The following PGAP4 variants were observed in gnomAD, a reference collection of about 807,000 sequenced individuals.
PGAP4 encodes the protein GPI-N-acetylgalactosamine transferase PGAP4.
A neutral mutation model predicts 28.2 loss-of-function variants in PGAP4; 12 were observed. The observed-to-expected ratio is 0.42, with a 90% confidence interval of 0.27 to 0.69. The LOEUF is 0.69. PGAP4 is among the 30% of genes least tolerant of loss of function. The pLI is 0.22. For missense variants in PGAP4, 425 were observed against 513.5 expected, an observed-to-expected ratio of 0.83 and a Z score of 1.67; for synonymous variants, 205 against 211.8, an observed-to-expected ratio of 0.97 and a Z score of 0.28.
Position 101,475,934 on chromosome 9 carries a change from G to A in PGAP4, c.1159C>T (p.His387Tyr). 6.2e-7 allele frequency: 1 copy of A among 1,614,220 alleles called. No homozygotes were observed. Among genetic ancestry groups the A allele is most frequent in the Non-Finnish European group, 8.5e-7 (1 of 1,180,046 alleles). ...CGGAGACTGGAGAAGAGCCCGATGT[G>A]TTTCACGAGGTTCGGCTCCACTACA... ...AYVVEPNLVK[H>Y]IGLFSSLRYN... is the part of the protein sequence containing the mutation. The change falls in exon 2 of 2, where the codon CAC (histidine) becomes TAC (tyrosine). Residue 387 changes from histidine (H) to tyrosine (Y), a missense_variant. Coordinates refer to ENST00000374848, the MANE Select transcript of PGAP4 (RefSeq NM_032342.3).
chr9:101,507,418 C>T (rs1250067186), intron 2 of PGAP4, among the ~76,000 whole-genome samples: 2 of 151,964 alleles, frequency 1.3e-5, no homozygotes, highest in African/African-American at 4.8e-5. Context: ...CAAGATTTGC[C>T]CAGACCTGTA....
intron 2 of PGAP4, among the ~76,000 whole-genome samples, chr9:101,527,564 T>C (rs575677225): frequency 6.6e-6 from 1 of 152,330 alleles, no homozygotes; most frequent in Non-Finnish European, 1.5e-5. Context: ...CACAATTAAG[T>C]AATAAATGTT....
At chr9:101,492,776 C>G (rs1325337714) in intron 2 of PGAP4, among the ~76,000 whole-genome samples, 1 of 152,018 alleles carries the variant, frequency 6.6e-6, no homozygotes, top group Non-Finnish European at 1.5e-5. Flanking sequence ...AGTCATTAGT[C>G]AAGCATTTGG....
chr9:101,501,385 G>A (rs909895093), intron 2 of PGAP4, among the ~76,000 whole-genome samples: 4 of 152,070 alleles, frequency 2.6e-5, no homozygotes, highest in Non-Finnish European at 4.4e-5. Flanking sequence ...GAATTCCATT[G>A]ACAAGCAGGA....
At chr9:101,493,724 G>C (rs1309496740) in intron 2 of PGAP4, among the ~76,000 whole-genome samples, 1 of 152,096 alleles carries the variant, frequency 6.6e-6, no homozygotes, top group Non-Finnish European at 1.5e-5. Flanking sequence ...TTTGTACTTT[G>C]AATGTCTCTG....
chr9:101,501,901 C>G, intron 2 of PGAP4: 1 of 401,818 alleles, frequency 2.5e-6, no homozygotes, highest in Non-Finnish European at 4.9e-6. Flanking sequence ...CGGCAGAGGC[C>G]TCCGATTGGA....
intron 2 of PGAP4, among the ~76,000 whole-genome samples, chr9:101,502,374 G>A (rs1319939292): frequency 6.6e-6 from 1 of 152,026 alleles, no homozygotes; most frequent in Non-Finnish European, 1.5e-5. Context: ...AACTTTAAAT[G>A]GATGAGTTCT....
Position 101,498,950 on chromosome 9 carries a change from C to T in PGAP4, c.-164-9750G>A, listed in dbSNP as rs539952240. On this transcript the variant is annotated intron_variant, in intron 2 of 3. Coordinates refer to the PGAP4 transcript ENST00000374851. ...AGTAGTCAAACGTAATCAAAAGAAA[C>T]CAAGGTAAGAGTGTTCACAAAATTT... is the stretch of plus-strand genomic sequence containing the variant. 2.0e-5 allele frequency among the ~76,000 whole-genome samples: 3 copies of T among 151,832 alleles called. No homozygotes were observed. The East Asian group carries it at 5.8e-4, about 30-fold the overall frequency.
At chr9:101,490,200 T>C (rs532351876), upstream of PGAP4, among the ~76,000 whole-genome samples, 7 of 152,272 alleles carry the variant, frequency 4.6e-5, no homozygotes, top group East Asian at 1.4e-3. Flanking sequence ...TTTTTTACTT[T>C]ATTTTTTGAG....
At chr9:101,509,172 C>T (rs1166260611) in intron 2 of PGAP4, among the ~76,000 whole-genome samples, 1 of 152,142 alleles carries the variant, frequency 6.6e-6, no homozygotes, top group Non-Finnish European at 1.5e-5. Context: ...GGAAGTAATG[C>T]TCAGACTCTT....
intron 2 of PGAP4, among the ~76,000 whole-genome samples, chr9:101,496,351 C>T (rs1023178004): frequency 1.3e-5 from 2 of 151,084 alleles, no homozygotes; most frequent in Admixed American, 6.6e-5. Flanking sequence ...TCATGTGCAG[C>T]GAAGTCCAGC....
rs1043834620 is a variant in PGAP4, at chr9:101,498,860, T to C, written c.-164-9660A>G. Among the ~76,000 whole-genome samples the C allele has an allele frequency of 3.9e-5, 6 of 152,016 alleles. No homozygotes were observed. In the South Asian group the frequency reaches 1.0e-3, roughly 26 times the overall value. On this transcript the variant is annotated intron_variant, in intron 2 of 3. Coordinates refer to the PGAP4 transcript ENST00000374851. ...CTCTAGTGGCTTTTAATTAGCTATCTTGTGTCTACTGTTTAGAATGTTTAT... is the reference window on the plus strand; with the variant it reads ...CTCTAGTGGCTTTTAATTAGCTATCCTGTGTCTACTGTTTAGAATGTTTAT...
chr9:101,527,984 T>A (rs191204908), intron 2 of PGAP4, among the ~76,000 whole-genome samples: 96 of 152,258 alleles, frequency 6.3e-4, no homozygotes, highest in African/African-American at 2.3e-3. Context: ...AAGGGTAAGT[T>A]AGGGTGTGCC....
chr9:101,511,065 T>C (rs151237281), intron 2 of PGAP4, among the ~76,000 whole-genome samples: 3,722 of 152,268 alleles, frequency 0.024, 171 homozygotes, highest in African/African-American at 0.085. Context: ...AGTTCCACCT[T>C]AGATCATCAG....
chr9:101,518,756 G>A (rs1169106928), intron 2 of PGAP4, among the ~76,000 whole-genome samples: 1 of 152,166 alleles, frequency 6.6e-6, no homozygotes, highest in Non-Finnish European at 1.5e-5. Flanking sequence ...TTTCAATTGT[G>A]AATTGTGCTG....
At chr9:101,511,546 A>G (rs1383250293) in intron 2 of PGAP4, among the ~76,000 whole-genome samples, 1 of 152,182 alleles carries the variant, frequency 6.6e-6, no homozygotes, top group Non-Finnish European at 1.5e-5. Flanking sequence ...GGGAAAATGA[A>G]GAGGGTTATA....
intron 2 of PGAP4, among the ~76,000 whole-genome samples, chr9:101,498,957 A>G (rs1826774934): frequency 6.6e-6 from 1 of 152,000 alleles, no homozygotes; most frequent in Non-Finnish European, 1.5e-5. Context: ...AAACCAAGGT[A>G]AGAGTGTTCA....
At chr9:101,494,016 T>C (rs545901633) in intron 2 of PGAP4, among the ~76,000 whole-genome samples, 69 of 152,192 alleles carry the variant, frequency 4.5e-4, no homozygotes, top group South Asian at 1.5e-3. Context: ...TTTTAAAATA[T>C]TGATCGTATA....
chr9:101,480,154 G>A (rs1470957280), intron 1 of PGAP4, among the ~76,000 whole-genome samples: 1 of 152,042 alleles, frequency 6.6e-6, no homozygotes, highest in Non-Finnish European at 1.5e-5. Flanking sequence ...ATGCTTACAG[G>A]GCTTAAGACC....
Sources: allele counts gnomAD v4.1 joint callset (sites outside exome capture counted in the v4.1 genomes callset), GRCh38; gene constraint gnomAD v4.1.1; transcripts MANE v1.5; gene names NCBI Gene and HGNC (gene_info 2026-07-23, HGNC 2026-07-21).